The following CDIN1 variants were observed in gnomAD, a reference collection of about 807,000 sequenced individuals.
The protein encoded by CDIN1 is CDAN1 interacting nuclease 1.
A neutral mutation model predicts 45.3 loss-of-function variants in CDIN1; 33 were observed. The observed-to-expected ratio is 0.73, with a 90% CI of 0.55 to 0.97. The LOEUF (loss-of-function observed/expected upper bound fraction) is 0.97, where lower values mean the gene tolerates loss of function less well. Ranked by LOEUF, CDIN1 falls within the 50% of genes least tolerant of loss-of-function variation. The pLI, the probability that CDIN1 is intolerant of heterozygous loss-of-function variation, is 0.00. For missense variants in CDIN1, 303 were observed against 339.4 expected (o/e 0.89, Z 0.84); for synonymous variants, 118 against 124.4 (o/e 0.95, Z 0.34).
intron 10 of CDIN1, 103 bp from the exon 11 acceptor site, chr15:36,808,221 G>T (rs960291852): frequency 2.0e-6 from 3 of 1,507,278 alleles, no homozygotes; most frequent in Non-Finnish European, 2.7e-6. Flanking sequence ...CAAAAATTTT[G>T]TGCAGTCCTG....
intron 10 of CDIN1, among the ~76,000 whole-genome samples, chr15:36,752,066 T>G (rs2053490247): frequency 6.6e-6 from 1 of 152,126 alleles, no homozygotes; most frequent in Non-Finnish European, 1.5e-5. Flanking sequence ...CTTAGGTGAT[T>G]GGTCGATAGG....
At chr15:36,744,467 G>A (rs746379114) in intron 10 of CDIN1, among the ~76,000 whole-genome samples, 14 of 152,170 alleles carry the variant, frequency 9.2e-5, no homozygotes, top group Non-Finnish European at 1.6e-4. Flanking sequence ...CACTCATTAA[G>A]TTGGTACCTC....
Position 36,743,165 on chromosome 15 carries a change from A to T in CDIN1, c.716+33204A>T, listed in dbSNP as rs1379352577. 2.0e-5 allele frequency among the ~76,000 whole-genome samples: 3 copies of T among 152,202 alleles called. No individual in the cohort carries two copies. In the East Asian group the frequency reaches 5.8e-4, roughly 29 times the overall value. Reference sequence around the variant, plus strand: ...AGACGAGCCAGGTCATGTAGGGGAAAAATCACTTCGGCAGTGGGAAGCCTT... The same window carrying T: ...AGACGAGCCAGGTCATGTAGGGGAATAATCACTTCGGCAGTGGGAAGCCTT... On this transcript the variant is annotated intron_variant, in intron 10 of 10. Coordinates refer to ENST00000566621, the MANE Select transcript of CDIN1 (RefSeq NM_001321759.2).
At chr15:36,611,998 G>A (rs190559394) in intron 1 of CDIN1, among the ~76,000 whole-genome samples, 1 of 152,308 alleles carries the variant, frequency 6.6e-6, no homozygotes, top group East Asian at 1.9e-4. Context: ...TAATTGTTGA[G>A]TTCACTTGGA....
intron 10 of CDIN1, among the ~76,000 whole-genome samples, chr15:36,720,253 ATTAT>A (rs140642356): frequency 0.77 from 111,972 of 145,322 alleles, 43,737 homozygotes; most frequent in East Asian, 0.96. Context: ...TTTATTATTT[ATTAT>A]TTATTTATTT....
chr15:36,650,868 G>A lies in CDIN1; in HGVS notation c.213-3230G>A, dbSNP rs770348647. 5.8e-4 allele frequency among the ~76,000 whole-genome samples: 88 copies of A among 152,106 alleles called. 1 individual carries two copies. Among genetic ancestry groups the A allele is most frequent in the Non-Finnish European group, 1.2e-3 (84 of 68,024 alleles). The stretch of plus-strand genomic sequence containing the variant: ...ACCTGAGATCAGGATTTCGAGACCA[G>A]CTTAGCCAACATGGCAAAACCCTAT... On this transcript the variant is annotated intron_variant, in intron 3 of 10. Transcript: ENST00000566621.
At chr15:36,745,902 G>T (rs991967068) in intron 10 of CDIN1, among the ~76,000 whole-genome samples, 19 of 151,956 alleles carry the variant, frequency 1.3e-4, no homozygotes, top group Non-Finnish European at 2.6e-4. Context: ...GGAGTTAGAG[G>T]TTGCAATGAG....
chr15:36,593,772 G>T (rs1219073878), intron 1 of CDIN1, among the ~76,000 whole-genome samples: 1 of 152,042 alleles, frequency 6.6e-6, no homozygotes, highest in African/African-American at 2.4e-5. Flanking sequence ...CACTGTGTTA[G>T]CCAGGATGGT....
chr15:36,724,161 T>G (rs1232005213), intron 10 of CDIN1, among the ~76,000 whole-genome samples: 1 of 152,146 alleles, frequency 6.6e-6, no homozygotes, highest in Non-Finnish European at 1.5e-5. Flanking sequence ...GTGACGTGAT[T>G]AGGACCTAAC....
At chr15:36,723,407 AT>A (rs529312484) in intron 10 of CDIN1, among the ~76,000 whole-genome samples, 11 of 152,140 alleles carry the variant, frequency 7.2e-5, no homozygotes, top group African/African-American at 2.2e-4. Context: ...AGTACTCCAT[AT>A]TGATTAAGAA....
At chr15:36,670,863 GT>G (rs1200370646) in intron 5 of CDIN1, among the ~76,000 whole-genome samples, 1 of 151,854 alleles carries the variant, frequency 6.6e-6, no homozygotes, top group African/African-American at 2.4e-5. Flanking sequence ...TGTATATTTA[GT>G]TGCTTCAGTT....
At chr15:36,608,976 T>TAGATAG (rs2038513822) in intron 1 of CDIN1, among the ~76,000 whole-genome samples, 9 of 149,326 alleles carry the variant, frequency 6.0e-5, no homozygotes, top group African/African-American at 1.7e-4. Context: ...TATGTGTGTA[T>TAGATAG]ATAGATAGAT....
chr15:36,724,617 A>G (rs913620941), intron 10 of CDIN1, among the ~76,000 whole-genome samples: 5 of 152,154 alleles, frequency 3.3e-5, no homozygotes, highest in African/African-American at 1.2e-4. Context: ...TCCATGGTAG[A>G]AAGAGATTAA....
intron 10 of CDIN1, among the ~76,000 whole-genome samples, chr15:36,777,330 A>G (rs2054244852): frequency 6.6e-6 from 1 of 151,928 alleles, no homozygotes; most frequent in Admixed American, 6.6e-5. Context: ...CACCCTACCA[A>G]ACTCACTTGC....
intron 7 of CDIN1, among the ~76,000 whole-genome samples, chr15:36,693,641 C>T (rs1161318911): frequency 6.6e-6 from 1 of 152,084 alleles, no homozygotes; most frequent in Non-Finnish European, 1.5e-5. Context: ...TATGTATGCA[C>T]GGACTAAAGT....
intron 1 of CDIN1, among the ~76,000 whole-genome samples, chr15:36,624,059 A>G (rs1314886691): frequency 2.6e-5 from 4 of 152,220 alleles, no homozygotes; most frequent in Non-Finnish European, 5.9e-5. Context: ...CATGATCATC[A>G]TGACAGTAGG....
In CDIN1 at chr15:36,642,401, G is replaced by A. The variant is rs374846064; in HGVS notation, c.102-1877G>A. Among the ~76,000 whole-genome samples, 10 of 152,264 alleles carry A rather than the reference G, an allele frequency of 6.6e-5. No individual in the cohort carries two copies. In the South Asian group the frequency reaches 1.4e-3, roughly 22 times the overall value. ...GTCTTTCTGTTGTTACTATGTATAC[G>A]TAAGTGGTTTTCTCTTTTTATTAAT... On this transcript the variant is annotated intron_variant, in intron 1 of 10. Transcript: ENST00000566621.
chr15:36,682,504 TCA>T (rs1215017817), intron 5 of CDIN1, among the ~76,000 whole-genome samples: 1 of 151,182 alleles, frequency 6.6e-6, no homozygotes, highest in Non-Finnish European at 1.5e-5. Context: ...CTGGGCAAGG[TCA>T]CACATACCTG....
chr15:36,672,795 T>C (rs1595452126), intron 5 of CDIN1, among the ~76,000 whole-genome samples: 1 of 146,578 alleles, frequency 6.8e-6, no homozygotes, highest in African/African-American at 2.5e-5. Flanking sequence ...GTTACTTCTT[T>C]AAAAAAAAAA....
Sources: allele counts gnomAD v4.1 joint callset (sites outside exome capture counted in the v4.1 genomes callset), GRCh38; gene constraint gnomAD v4.1.1; transcripts MANE v1.5; gene names NCBI Gene and HGNC (gene_info 2026-07-23, HGNC 2026-07-21).